The following CUX2 variants were observed in gnomAD, a reference collection of about 807,000 sequenced individuals.
The protein encoded by CUX2 is cut like homeobox 2.
In CUX2, 40 loss-of-function variants were observed where a neutral mutation model predicts 144.8. That is an observed-to-expected ratio of 0.28 (90% CI 0.21 to 0.36). The LOEUF (loss-of-function observed/expected upper bound fraction) is 0.36. Ranked by LOEUF, CUX2 falls within the 10% of genes least tolerant of loss-of-function variation. CUX2 has a pLI of 1.00. For synonymous variants in CUX2, 827 were observed against 875.6 expected (o/e 0.94, Z 0.98); for missense variants, 1,615 against 1,994.0 (o/e 0.81, Z 3.62).
In CUX2 at chr12:111,037,218, C is replaced by A. The variant is rs776819036; in HGVS notation, c.63+2978C>A. Among the ~76,000 whole-genome samples, 11 of 152,138 alleles carry A rather than the reference C, an allele frequency of 7.2e-5. No homozygotes were observed. The highest frequency in any genetic ancestry group is 1.0e-4 in the Non-Finnish European group (7 of 68,026). On this transcript the variant is annotated intron_variant, in intron 1 of 21. Transcript: ENST00000261726. The surrounding 1 kb of genome is among the most constrained non-coding windows in gnomAD (Gnocchi z 5.4). The stretch of plus-strand genomic sequence containing the variant: ...TGTGAGGAGGTGCGTGGCTTTCATT[C>A]CTGGCTGTTCAGGTTGAATGGTTTC...
chr12:111,162,730 G>T (rs1877858850), intron 1 of CUX2, among the ~76,000 whole-genome samples: 1 of 152,218 alleles, frequency 6.6e-6, no homozygotes, highest in Non-Finnish European at 1.5e-5. Flanking sequence ...TGCTTGATTA[G>T]CAGAGAGACG....
In CUX2 at chr12:111,159,973, C is replaced by T. The variant is rs531023608; in HGVS notation, c.64-54227C>T. Among the ~76,000 whole-genome samples the T allele has an allele frequency of 1.1e-4, 16 of 152,140 alleles. No individual in the cohort carries two copies. In the South Asian group the frequency reaches 3.1e-3, roughly 30 times the overall value. ...CCGGGAGGCAGAGGTTTCAGTGAGC[C>T]GAGATTGTACCACTGCACTCCAGCC... On this transcript the variant is annotated intron_variant, in intron 1 of 21. Transcript: ENST00000261726.
chr12:111,227,762 C>A lies in CUX2; in HGVS notation c.222+9825C>A, dbSNP rs866136691. Reference sequence around the variant, plus strand: ...GGGCCAGCCCTCTTCTCCCCAAGTGCCCTCACCCCTCCAACCAGCTCCCCT... The same window carrying A: ...GGGCCAGCCCTCTTCTCCCCAAGTGACCTCACCCCTCCAACCAGCTCCCCT... On this transcript the variant is annotated intron_variant, in intron 3 of 21. Coordinates refer to ENST00000261726, the MANE Select transcript of CUX2 (RefSeq NM_015267.4). 2.7e-4 allele frequency among the ~76,000 whole-genome samples: 41 copies of A among 152,242 alleles called. 1 individual carries two copies. The highest frequency in any genetic ancestry group is 6.8e-3 in the Middle Eastern group (2 of 294).
chr12:111,088,839 G>A (rs1053005838), intron 1 of CUX2, among the ~76,000 whole-genome samples: 5 of 152,166 alleles, frequency 3.3e-5, no homozygotes, highest in East Asian at 1.9e-4. Context: ...TGAGATGTCC[G>A]ACCGGGCAGC....
At chr12:111,311,284 G>C (rs777206810) in intron 15 of CUX2, among the ~76,000 whole-genome samples, 1 of 151,952 alleles carries the variant, frequency 6.6e-6, no homozygotes, top group Non-Finnish European at 1.5e-5. Context: ...AGTCATTGTC[G>C]TCATCATTTC....
chr12:111,347,548 G>A lies in CUX2; in HGVS notation c.3684G>A (p.Leu1228=). The A allele has an allele frequency of 1.2e-6, 2 of 1,606,230 alleles. No individual in the cohort carries two copies. Among genetic ancestry groups the A allele is most frequent in the Admixed American group, 3.4e-5 (2 of 59,046 alleles). The change falls in exon 22 of 22, where the codon TTG becomes TTA. Residue 1228 remains leucine (L), a synonymous_variant. Coordinates refer to ENST00000261726, the MANE Select transcript of CUX2 (RefSeq NM_015267.4). ...NYRSRMRREM[L]VEGTQDEPDL... ...GGTCCCGGATGCGCCGGGAGATGTT[G>A]GTGGAGGGGACCCAGGATGAGCCAG...
intron 1 of CUX2, among the ~76,000 whole-genome samples, chr12:111,197,271 G>T (rs903609747): frequency 6.6e-6 from 1 of 152,182 alleles, no homozygotes; most frequent in Non-Finnish European, 1.5e-5. Context: ...AGTCAGTGTG[G>T]GAAAGGATCA....
rs746890478 is a variant in CUX2, at chr12:111,348,151, T to C, written c.4287T>C (p.Pro1429=). ...CCCCATCCCCACCTGGCGCCCCCCCTGCCAAAGTGCCGAGTGCCAGCCCCA... is the reference window on the plus strand; with the variant it reads ...CCCCATCCCCACCTGGCGCCCCCCCCGCCAAAGTGCCGAGTGCCAGCCCCA... The part of the protein sequence containing the change: ...PISPSPPGAP[P]AKVPSASPTA... The change falls in exon 22 of 22, where the codon CCT becomes CCC. Residue 1429 remains proline (P), a synonymous_variant. Coordinates refer to ENST00000261726, the MANE Select transcript of CUX2 (RefSeq NM_015267.4). 3.7e-6 allele frequency: 6 copies of C among 1,613,734 alleles called. No homozygotes were observed. In the East Asian group the frequency reaches 1.1e-4, roughly 30 times the overall value.
chr12:111,341,697 C>T (rs1888584392), intron 20 of CUX2, 83 bp from the exon 21 acceptor site: 2 of 1,459,686 alleles, frequency 1.4e-6, no homozygotes, highest in Non-Finnish European at 1.8e-6. Flanking sequence ...GACAGATGCA[C>T]TCCCACCATG....
chr12:111,276,387 A>G (rs1884872469), intron 4 of CUX2, among the ~76,000 whole-genome samples: 1 of 152,326 alleles, frequency 6.6e-6, no homozygotes, highest in African/African-American at 2.4e-5. Context: ...AGTGAGTCAC[A>G]TAGGGCAGAT....
intron 1 of CUX2, among the ~76,000 whole-genome samples, chr12:111,188,515 C>T (rs773248705): frequency 1.3e-5 from 2 of 152,110 alleles, no homozygotes; most frequent in Admixed American, 6.5e-5. Context: ...GGAAGGCCAG[C>T]AGGAGCCAGT....
rs1888924516 is a variant in CUX2, at chr12:111,348,492, T to C, written c.*167T>C. On this transcript the variant is annotated 3_prime_UTR_variant, in exon 22 of 22. Transcript: ENST00000261726. ...TTGTAATCCTAGTTCTATGAAGCTG[T>C]GTGAGCAGGTGGGTCAAATGCCATT... The C allele has an allele frequency of 1.4e-6, 1 of 691,080 alleles. No individual in the cohort carries two copies. Among genetic ancestry groups the C allele is most frequent in the South Asian group, 2.0e-5 (1 of 51,200 alleles). The allele number at this position is 691,080 out of a possible 1,614,324, so 42.8% of individuals were successfully genotyped here.
Position 111,255,674 on chromosome 12 carries a change from G to A in CUX2, c.223-8087G>A, listed in dbSNP as rs1883780158. On this transcript the variant is annotated intron_variant, in intron 3 of 21. Transcript: ENST00000261726. The surrounding 1 kb of genome is among the most constrained non-coding windows in gnomAD (Gnocchi z 4.1). Reference sequence around the variant, plus strand: ...CCTCTGTGCCTCGACATCTTCATCTGTTAAATGGGATAGTCACACCCGCAG... The same window carrying A: ...CCTCTGTGCCTCGACATCTTCATCTATTAAATGGGATAGTCACACCCGCAG... Among the ~76,000 whole-genome samples the A allele has an allele frequency of 6.6e-6, 1 of 152,206 alleles. No individual in the cohort carries two copies. The highest frequency in any genetic ancestry group is 1.5e-5 in the Non-Finnish European group (1 of 68,038).
At chr12:111,071,854 T>G (rs566583957) in intron 1 of CUX2, among the ~76,000 whole-genome samples, 1 of 152,362 alleles carries the variant, frequency 6.6e-6, no homozygotes, top group East Asian at 1.9e-4. Context: ...TCCAGCACCA[T>G]TTGTTGAAAA....
chr12:111,326,656 C>A (rs1347017082), intron 18 of CUX2, among the ~76,000 whole-genome samples: 1 of 151,998 alleles, frequency 6.6e-6, no homozygotes, highest in Non-Finnish European at 1.5e-5. Flanking sequence ...GTAATCCCAG[C>A]ACTTTGGGAG....
intron 1 of CUX2, among the ~76,000 whole-genome samples, chr12:111,136,108 G>A (rs569058838): frequency 3.9e-5 from 6 of 152,164 alleles, no homozygotes; most frequent in Non-Finnish European, 7.4e-5. Context: ...CATTGACTCC[G>A]ACGGCCACAT....
chr12:111,156,252 CT>C (rs1194510706), intron 1 of CUX2, among the ~76,000 whole-genome samples: 4 of 152,166 alleles, frequency 2.6e-5, no homozygotes. Flanking sequence ...CCCAAGAAAC[CT>C]GATGGAAGCA....
intron 3 of CUX2, among the ~76,000 whole-genome samples, chr12:111,223,464 C>T (rs1404018237): frequency 2.0e-5 from 3 of 152,166 alleles, no homozygotes; most frequent in Non-Finnish European, 2.9e-5. Context: ...GTGTCTCCAT[C>T]CTTTGAATCT....
chr12:111,085,019 A>G (rs533232105), intron 1 of CUX2, among the ~76,000 whole-genome samples: 1 of 152,266 alleles, frequency 6.6e-6, no homozygotes, highest in East Asian at 1.9e-4. Flanking sequence ...TGTTCCACAC[A>G]CTGTGACAGA....
Sources: gnomAD v4.1 joint callset for allele counts (sites outside exome capture counted in the v4.1 genomes callset) on GRCh38, gnomAD v4.1.1 for gene constraint, Gnocchi (gnomAD v3.1) non-coding constraint, MANE v1.5 for transcripts, NCBI Gene and HGNC (gene_info 2026-07-23, HGNC 2026-07-21) for gene names.